PCM1: variants seen among roughly 807,000 people sequenced by gnomAD.
The protein encoded by PCM1 is pericentriolar material 1.
PCM1 carries 157 observed loss-of-function variants against 241.9 expected under a neutral mutation model. That is an observed-to-expected ratio of 0.65 (90% CI 0.57 to 0.74). The LOEUF (loss-of-function observed/expected upper bound fraction) is 0.74. Among genes scored for constraint, PCM1 ranks in the 30% least tolerant of loss-of-function variants. PCM1 has a pLI of 0.00. For missense variants in PCM1, 3,478 were observed against 2,360.1 expected (o/e 1.47, Z -9.81); for synonymous variants, 1,085 against 784.9 (o/e 1.38, Z -6.39).
chr8:17,968,756 G>GTGTT (rs1564028858), intron 21 of PCM1, among the ~76,000 whole-genome samples: 1 of 130,736 alleles, frequency 7.6e-6, no homozygotes, highest in African/African-American at 2.8e-5. Flanking sequence ...GTGTGTGTGT[G>GTGTT]TGTGTGTATA....
At chr8:17,954,734 G>A (rs1374993555) in intron 9 of PCM1, among the ~76,000 whole-genome samples, 1 of 152,202 alleles carries the variant, frequency 6.6e-6, no homozygotes, top group East Asian at 1.9e-4. Flanking sequence ...AGGAGGTAGA[G>A]AAGTGCAAAG....
At chr8:17,968,055 CAAAA>C (rs35339046) in intron 21 of PCM1, among the ~76,000 whole-genome samples, 1 of 112,010 alleles carries the variant, frequency 8.9e-6, no homozygotes, top group African/African-American at 2.8e-5. Flanking sequence ...GTTCCGCCGC[CAAAA>C]AAAAAAAAAA....
chr8:18,011,743 A>G lies in PCM1; in HGVS notation c.5427A>G (p.Glu1809=), dbSNP rs1484545144. The stretch of plus-strand genomic sequence containing the variant: ...ATGAAAATGAGGATGAAGAAATGGA[A>G]GAATTTGAAGAAGGCCCTGTGGATG... The part of the protein sequence containing the change: ...GEDENEDEEM[E]EFEEGPVDVQ... The change falls in exon 34 of 39, where the codon GAA becomes GAG. Residue 1809 remains glutamate (E), a synonymous_variant. Transcript: ENST00000325083. 4 of 1,613,746 alleles carry G rather than the reference A, an allele frequency of 2.5e-6. No individual in the cohort carries two copies. Among genetic ancestry groups the G allele is most frequent in the Non-Finnish European group, 3.4e-6 (4 of 1,179,742 alleles).
chr8:18,002,070 TTTTTTTTC>T (rs2089782774), intron 29 of PCM1, among the ~76,000 whole-genome samples: 1 of 72,194 alleles, frequency 1.4e-5, no homozygotes, highest in Non-Finnish European at 2.4e-5. Flanking sequence ...TTTTCTTTTT[TTTTTTTTC>T]TTTTTTTTAT....
intron 8 of PCM1, 53 bp downstream of exon 8, chr8:17,950,777 C>T: frequency 2.0e-6 from 2 of 975,608 alleles, no homozygotes; most frequent in Non-Finnish European, 3.2e-6. Context: ...TTAATTAGAA[C>T]AGTGATTCAG....
At chr8:17,947,430 A>G (rs755859389) in intron 7 of PCM1, 67 bp downstream of exon 7, 3 of 1,113,252 alleles carry the variant, frequency 2.7e-6, no homozygotes, top group Admixed American at 2.3e-5. Flanking sequence ...TGCAGGGTGG[A>G]TGCTGATTAT....
intron 15 of PCM1, 109 bp from the exon 16 acceptor site, chr8:17,961,925 G>C (rs2072417816): frequency 3.6e-6 from 3 of 822,718 alleles, no homozygotes; most frequent in East Asian, 2.9e-5. Context: ...TCTGATAGCA[G>C]ATTAAATATG....
intron 9 of PCM1, among the ~76,000 whole-genome samples, chr8:17,953,814 G>A (rs1474426884): frequency 1.3e-5 from 2 of 150,874 alleles, no homozygotes; most frequent in African/African-American, 2.5e-5. Context: ...TTCAAACATG[G>A]CCCCTGTCTC....
At chr8:17,980,824 G>A in intron 24 of PCM1, 69 bp downstream of exon 24, 2 of 1,254,290 alleles carry the variant, frequency 1.6e-6, no homozygotes, top group Admixed American at 2.2e-5. Context: ...CTATAATAAA[G>A]CAGGTGTTAA....
intron 26 of PCM1, 150 bp downstream of exon 26, chr8:17,986,237 G>A (rs2082546152): frequency 2.0e-6 from 1 of 507,080 alleles, no homozygotes; most frequent in African/African-American, 2.0e-5. Flanking sequence ...ATTTTATTTT[G>A]AGGGCGAGAT....
At chr8:17,972,246 T>TTA in intron 22 of PCM1, 83 bp from the exon 23 acceptor site, 2 of 461,014 alleles carry the variant, frequency 4.3e-6, no homozygotes, top group Non-Finnish European at 6.7e-6. Context: ...CTAAATCTAC[T>TTA]CGAGTAGACT....
chr8:18,011,716 A>C lies in PCM1; in HGVS notation c.5400A>C (p.Glu1800Asp). Residue 1800 changes from glutamate to aspartate, a missense_variant, in exon 34 of 39, where the codon GAA becomes GAC. By Grantham distance (45) the Glu-to-Asp change is conservative (BLOSUM62 2). Transcript: ENST00000325083. Reference sequence around the variant, plus strand: ...CTTTAACTAATTATGGAAGTGGAGAAGATGAAAATGAGGATGAAGAAATGG... The same window carrying C: ...CTTTAACTAATTATGGAAGTGGAGACGATGAAAATGAGGATGAAGAAATGG... Reference protein sequence around the residue: ...TQALTNYGSGEDENEDEEMEE... With the variant: ...TQALTNYGSGDDENEDEEMEE... 1 of 1,613,176 alleles carries C rather than the reference A, an allele frequency of 6.2e-7. No homozygotes were observed. The highest frequency in any genetic ancestry group is 8.5e-7 in the Non-Finnish European group (1 of 1,179,420).
At chr8:17,972,767 T>G in intron 23 of PCM1, 80 bp downstream of exon 23, 1 of 803,320 alleles carries the variant, frequency 1.2e-6, no homozygotes, top group South Asian at 2.6e-5. Flanking sequence ...AGATATAGTT[T>G]CAGTAAGGCT....
At chr8:17,952,009 G>A (rs1445481089) in intron 8 of PCM1, among the ~76,000 whole-genome samples, 7 of 152,052 alleles carry the variant, frequency 4.6e-5, no homozygotes, top group African/African-American at 1.7e-4. Context: ...GATCACTTGA[G>A]GTCAGGTGTT....
rs1453866873 is a variant in PCM1 at position 18,029,122 on chromosome 8, C to G, written c.*1460C>G. 1.9e-5 allele frequency: 3 copies of G among 158,294 alleles called. No homozygotes were observed. Among genetic ancestry groups the G allele is most frequent in the African/African-American group, 2.8e-5 (1 of 36,186 alleles). 9.8% of individuals were successfully genotyped at this position (158,294 alleles called of 1,614,324 possible). ...GCAGTGAGCCGAGATCATGCCACTGCACTCCAGCCTGGCAACAGAGCGAGA... is the reference window on the plus strand; with the variant it reads ...GCAGTGAGCCGAGATCATGCCACTGGACTCCAGCCTGGCAACAGAGCGAGA... On this transcript the variant is annotated 3_prime_UTR_variant, in exon 39 of 39. Transcript: ENST00000325083.
rs1396614854 is a variant in PCM1, at chr8:17,985,983, G to T, written c.4306G>T (p.Glu1436Ter). 6.4e-7 allele frequency: 1 copy of T among 1,574,202 alleles called. No individual in the cohort carries two copies. The highest frequency in any genetic ancestry group is 8.7e-7 in the Non-Finnish European group (1 of 1,150,374). The part of the protein sequence containing the change: ...LQDIVSRHIS[E>*]SHEKGENVKS... ...GGACATAGTATCCAGACATATTTCTGAGAGCCATGAAAAAGGAGAAAATGT... is the reference window on the plus strand; with the variant it reads ...GGACATAGTATCCAGACATATTTCTTAGAGCCATGAAAAAGGAGAAAATGT... The change falls in exon 26 of 39, where the codon GAG becomes TAG. Residue 1436 changes from glutamate to a stop codon, truncating the protein, a stop_gained. Transcript: ENST00000325083. LOFTEE classifies it high-confidence loss of function.
In PCM1 at chr8:17,975,342, T is replaced by C. The variant is rs2078360839; in HGVS notation, c.3943+2655T>C. Among the ~76,000 whole-genome samples the C allele has an allele frequency of 2.0e-5, 3 of 152,140 alleles. No individual in the cohort carries two copies. The South Asian group carries it at 6.2e-4, about 32-fold the overall frequency. On this transcript the variant is annotated intron_variant, in intron 23 of 38. Transcript: ENST00000325083. Reference sequence around the variant, plus strand: ...CCACACCCGGCTAATTTTGTATTTTTAGTAGAGACGGGGTTTCTCCACGTT... The same window carrying C: ...CCACACCCGGCTAATTTTGTATTTTCAGTAGAGACGGGGTTTCTCCACGTT...
intron 5 of PCM1, among the ~76,000 whole-genome samples, 173 bp downstream of exon 5, chr8:17,939,182 T>G (rs2061311989): frequency 6.6e-6 from 1 of 152,180 alleles, no homozygotes; most frequent in Admixed American, 6.5e-5. Flanking sequence ...AAATTTCTGT[T>G]TATCCAAAAA....
chr8:17,932,156 G>A (rs1288583685), intron 2 of PCM1, among the ~76,000 whole-genome samples: 1 of 152,094 alleles, frequency 6.6e-6, no homozygotes, highest in African/African-American at 2.4e-5. Flanking sequence ...CCCAGCAAGT[G>A]TAGTACAGTT....
Sources: allele counts gnomAD v4.1 joint callset (sites outside exome capture counted in the v4.1 genomes callset), GRCh38; gene constraint gnomAD v4.1.1; transcripts MANE v1.5; gene names NCBI Gene and HGNC (gene_info 2026-07-23, HGNC 2026-07-21).